The following TTYH1 variants were observed in gnomAD, a reference collection of about 807,000 sequenced individuals.
TTYH1 encodes the protein tweety family member 1.
In TTYH1, 33 loss-of-function variants were observed where a neutral mutation model predicts 61.2. That is an observed-to-expected ratio of 0.54 (90% CI 0.41 to 0.72). The LOEUF (loss-of-function observed/expected upper bound fraction) is 0.72. Ranked by LOEUF, TTYH1 falls within the 30% of genes least tolerant of loss-of-function variation. The pLI is 0.00. For synonymous variants in TTYH1, 308 were observed against 266.4 expected (o/e 1.16, Z -1.52); for missense variants, 538 against 575.8 (o/e 0.93, Z 0.67).
In TTYH1 at chr19:54,436,739, T is replaced by C. The variant is rs979194778; in HGVS notation, c.*449T>C. 8 of 281,122 alleles carry C rather than the reference T, an allele frequency of 2.8e-5. No homozygotes were observed. Among genetic ancestry groups the C allele is most frequent in the Non-Finnish European group, 4.8e-5 (7 of 146,052 alleles). 17.4% of individuals were successfully genotyped at this position (281,122 alleles called of 1,614,324 possible). Reference sequence around the variant, plus strand: ...CAAGCAGCTGGGTCCTCCTTATTTCTCCTCTCCCTTGATTCGGCCTCCTGG... The same window carrying C: ...CAAGCAGCTGGGTCCTCCTTATTTCCCCTCTCCCTTGATTCGGCCTCCTGG... On this transcript the variant is annotated 3_prime_UTR_variant, in exon 14 of 14. Transcript: ENST00000376530. The surrounding 1 kb of genome is among the most constrained non-coding windows in gnomAD (Gnocchi z 4.3).
chr19:54,435,877 C>A lies in TTYH1; in HGVS notation c.1314+4C>A, dbSNP rs1213445008. The A allele has an allele frequency of 6.2e-7, 1 of 1,613,898 alleles. No homozygotes were observed. Among genetic ancestry groups the A allele is most frequent in the South Asian group, 1.1e-5 (1 of 91,058 alleles). ...TGACGACCCTTTCAACCCTCAGGTA[C>A]TGGATGCCTGGGTCTGAGGGAGGAG... On this transcript the variant is annotated splice_donor_region_variant and intron_variant, in intron 12 of 13. Coordinates refer to ENST00000376530, the MANE Select transcript of TTYH1 (RefSeq NM_020659.4).
rs557495933 is a variant in TTYH1, at chr19:54,415,953, C to T, written c.126+275C>T. ...TTCATGGAGAGGAGGGGAGGGGGGC[C>T]CGGATTCCCGGGTGTCTGATACCTG... On this transcript the variant is annotated intron_variant, in intron 1 of 13. Transcript: ENST00000376530. The surrounding 1 kb of genome is among the most constrained non-coding windows in gnomAD (Gnocchi z 5.2). 2.1e-5 allele frequency: 23 copies of T among 1,106,192 alleles called. No homozygotes were observed. Among genetic ancestry groups the T allele is most frequent in the Admixed American group, 9.1e-5 (4 of 44,126 alleles). 68.5% of individuals were successfully genotyped at this position (1,106,192 alleles called of 1,614,324 possible). A position where few individuals can be genotyped will look rare whatever the true frequency, so the allele number is the denominator to read the frequency against.
In TTYH1 at chr19:54,436,281, C is replaced by T. The variant is rs201872566; in HGVS notation, c.*43-52C>T. The T allele has an allele frequency of 1.5e-5, 24 of 1,612,264 alleles. No individual in the cohort carries two copies. Among genetic ancestry groups the T allele is most frequent in the African/African-American group, 9.3e-5 (7 of 74,920 alleles). The stretch of plus-strand genomic sequence containing the variant: ...GTGCCTCCTGCTGGGTGGATCGCAC[C>T]GGGCAGGCCCTCCAGCCTGCATCAC... On this transcript the variant is annotated intron_variant, in intron 13 of 13. Transcript: ENST00000376530. The surrounding 1 kb of genome is among the most constrained non-coding windows in gnomAD (Gnocchi z 4.3).
rs747435844 is a variant in TTYH1, at chr19:54,434,334, G to C, written c.1126-1208G>C. On this transcript the variant is annotated intron_variant, in intron 10 of 13. Coordinates refer to ENST00000376530, the MANE Select transcript of TTYH1 (RefSeq NM_020659.4). This position sits in a 1 kb window ranked among gnomAD's most constrained non-coding sequence, Gnocchi z 4.3. ...CGCTCAGTGATTCCCCTCAGACATG[G>C]ATTAAAATCCCTGTTCCTCGCCCTG... 3 of 152,288 alleles carry C rather than the reference G, an allele frequency of 2.0e-5. No individual in the cohort carries two copies. Among genetic ancestry groups the C allele is most frequent in the Admixed American group, 2.0e-4 (3 of 15,264 alleles). The allele number at this position is 152,288 out of a possible 1,614,324, so 9.4% of individuals were successfully genotyped here.
rs1395903265 is a variant in TTYH1, at chr19:54,416,857, C to T, written c.126+1179C>T. 1.5e-6 allele frequency: 2 copies of T among 1,292,812 alleles called. No individual in the cohort carries two copies. Among genetic ancestry groups the T allele is most frequent in the Admixed American group, 2.3e-5 (1 of 43,514 alleles). The allele number at this position is 1,292,812 out of a possible 1,614,324, so 80.1% of individuals were successfully genotyped here. On this transcript the variant is annotated intron_variant, in intron 1 of 13. Coordinates refer to ENST00000376530, the MANE Select transcript of TTYH1 (RefSeq NM_020659.4). The surrounding 1 kb of genome is among the most constrained non-coding windows in gnomAD (Gnocchi z 7.0). Reference sequence around the variant, plus strand: ...CGGCTCCGGCCTCGGCCCAGACTCACGCCCGCTCTGGCCCGGAGACCTCCC... The same window carrying T: ...CGGCTCCGGCCTCGGCCCAGACTCATGCCCGCTCTGGCCCGGAGACCTCCC...
At chr19:54,422,144 C>T (rs954421066) in intron 3 of TTYH1, 46 bp from the exon 4 acceptor site, 5 of 1,482,830 alleles carry the variant, frequency 3.4e-6, no homozygotes, top group African/African-American at 2.8e-5. Flanking sequence ...ACCGCGGGCT[C>T]CCCCCAGGAT....
intron 7 of TTYH1, 101 bp downstream of exon 7, chr19:54,430,058 G>T: frequency 7.5e-6 from 8 of 1,064,540 alleles, no homozygotes; most frequent in Non-Finnish European, 9.7e-6. Context: ...TGGGGTGGGG[G>T]TGCAGCCTGC....
At chr19:54,417,854 G>A (rs1270723874) in intron 1 of TTYH1, among the ~76,000 whole-genome samples, 1 of 152,080 alleles carries the variant, frequency 6.6e-6, no homozygotes, top group African/African-American at 2.4e-5. Context: ...CCAAGGAACT[G>A]TGCCCAGAAC....
In TTYH1 at chr19:54,429,543, T is replaced by A. The variant is rs750125313; in HGVS notation, c.807+164T>A. Among the ~76,000 whole-genome samples the A allele has an allele frequency of 6.6e-6, 1 of 151,798 alleles. No individual in the cohort carries two copies. Among genetic ancestry groups the A allele is most frequent in the Non-Finnish European group, 1.5e-5 (1 of 67,946 alleles). Reference sequence around the variant, plus strand: ...TCCTGGGGCCTGAGTGGGTACAGATTGGTGTCCTGGACGTTTGAGCTGTAA... The same window carrying A: ...TCCTGGGGCCTGAGTGGGTACAGATAGGTGTCCTGGACGTTTGAGCTGTAA... On this transcript the variant is annotated intron_variant, in intron 6 of 13. Transcript: ENST00000376530. This position sits in a 1 kb window ranked among gnomAD's most constrained non-coding sequence, Gnocchi z 5.1.
chr19:54,415,623 T>G lies in TTYH1; in HGVS notation c.71T>G (p.Phe24Cys), dbSNP rs915873956. 6.4e-7 allele frequency: 1 copy of G among 1,564,876 alleles called. No homozygotes were observed. Among genetic ancestry groups the G allele is most frequent in the Non-Finnish European group, 8.6e-7 (1 of 1,162,932 alleles). ...CTCCACCAGCTGCCCCGCGCCGACT[T>G]CCAGCTCCGCCCGGTGCCCAGCGTT... ...HLLHQLPRAD[F>C]QLRPVPSVFA... The change falls in exon 1 of 14, where the codon TTC becomes TGC. Residue 24 changes from phenylalanine to cysteine, a missense_variant. Physicochemically the swap from Phe to Cys is radical, Grantham distance 205. Transcript: ENST00000376530. The surrounding 1 kb of genome is among the most constrained non-coding windows in gnomAD (Gnocchi z 5.2).
chr19:54,415,915 C>G lies in TTYH1; in HGVS notation c.126+237C>G. On this transcript the variant is annotated intron_variant, in intron 1 of 13. Transcript: ENST00000376530. The surrounding 1 kb of genome is among the most constrained non-coding windows in gnomAD (Gnocchi z 5.2). ...CTCTAAATAAGGGAAGGCTGGGGACCTGCACCCCTGAGTTCATGGAGAGGA... is the reference window on the plus strand; with the variant it reads ...CTCTAAATAAGGGAAGGCTGGGGACGTGCACCCCTGAGTTCATGGAGAGGA... 1.2e-6 allele frequency: 1 copy of G among 823,760 alleles called. No individual in the cohort carries two copies. The highest frequency in any genetic ancestry group is 1.9e-6 in the Non-Finnish European group (1 of 538,712). The allele number at this position is 823,760 out of a possible 1,614,324, so 51.0% of individuals were successfully genotyped here. A position where few individuals can be genotyped will look rare whatever the true frequency, so the allele number is the denominator to read the frequency against.
chr19:54,435,266 G>C (rs1246289760), intron 10 of TTYH1, among the ~76,000 whole-genome samples: 2 of 152,160 alleles, frequency 1.3e-5, no homozygotes, highest in African/African-American at 4.8e-5. Context: ...GTGAAAGGGA[G>C]ATAGGGGCCT....
chr19:54,431,359 A>G (rs1227203566), intron 10 of TTYH1, 168 bp downstream of exon 10: 6 of 594,254 alleles, frequency 1.0e-5, no homozygotes, highest in African/African-American at 9.5e-5. Context: ...CCTATTTATA[A>G]CCTGTCGTCT....
At position 54,436,249 on chromosome 19, in the gene TTYH1, G is replaced by T; in HGVS notation, c.*42+78G>T. On this transcript the variant is annotated intron_variant, in intron 13 of 13. Coordinates refer to ENST00000376530, the MANE Select transcript of TTYH1 (RefSeq NM_020659.4). The surrounding 1 kb of genome is among the most constrained non-coding windows in gnomAD (Gnocchi z 4.3). The stretch of plus-strand genomic sequence containing the variant: ...CCGCCCTCCGAGCTGCTCCAGGCAT[G>T]GGCTGCGTGCCTCCTGCTGGGTGGA... 6.2e-7 allele frequency: 1 copy of T among 1,608,374 alleles called. No homozygotes were observed. The highest frequency in any genetic ancestry group is 8.5e-7 in the Non-Finnish European group (1 of 1,175,400).
At chr19:54,427,728 C>G (rs1224564886) in intron 5 of TTYH1, among the ~76,000 whole-genome samples, 1 of 152,130 alleles carries the variant, frequency 6.6e-6, no homozygotes, top group Non-Finnish European at 1.5e-5. Context: ...TGTGGCCGGT[C>G]AGGGACCTGA....
At position 54,436,164 on chromosome 19, in the gene TTYH1, C is replaced by T. The variant is rs754367015; in HGVS notation, c.*35C>T. ...CCCGGCTGGACTGGAGCCTGGCTCCCCTCTTCGGTGAGCTTCCAAGGGCCA... is the reference window on the plus strand; with the variant it reads ...CCCGGCTGGACTGGAGCCTGGCTCCTCTCTTCGGTGAGCTTCCAAGGGCCA... On this transcript the variant is annotated 3_prime_UTR_variant, in exon 13 of 14. Coordinates refer to ENST00000376530, the MANE Select transcript of TTYH1 (RefSeq NM_020659.4). The surrounding 1 kb of genome is among the most constrained non-coding windows in gnomAD (Gnocchi z 4.3). 4.3e-6 allele frequency: 7 copies of T among 1,614,002 alleles called. No homozygotes were observed. In the South Asian group the frequency reaches 6.6e-5, roughly 15 times the overall value.
chr19:54,427,341 C>G (rs974461920), intron 5 of TTYH1, among the ~76,000 whole-genome samples: 1 of 131,508 alleles, frequency 7.6e-6, no homozygotes, highest in Non-Finnish European at 1.6e-5. Context: ...CGTGGTGGCT[C>G]ACGCCTGTAA....
chr19:54,431,288 G>A, intron 10 of TTYH1, 97 bp downstream of exon 10: 1 of 794,696 alleles, frequency 1.3e-6, no homozygotes. Flanking sequence ...CTGCCATTGC[G>A]CCTGAGGATA....
intron 4 of TTYH1, among the ~76,000 whole-genome samples, chr19:54,423,700 C>T (rs1404054425): frequency 1.3e-5 from 2 of 152,138 alleles, no homozygotes; most frequent in African/African-American, 2.4e-5. Flanking sequence ...ACGATTAGCA[C>T]AGGGAGAGCA....
Sources: allele counts gnomAD v4.1 joint callset (sites outside exome capture counted in the v4.1 genomes callset), GRCh38; gene constraint gnomAD v4.1.1; non-coding constraint Gnocchi (gnomAD v3.1); transcripts MANE v1.5; gene names NCBI Gene and HGNC (gene_info 2026-07-23, HGNC 2026-07-21).